The following SOX6 variants were observed in gnomAD, a reference collection of about 807,000 sequenced individuals.
The protein encoded by SOX6 is SRY-box transcription factor 6.
Under a neutral mutation model 97.8 loss-of-function variants are expected in SOX6, and 11 were observed. The ratio of observed to expected loss-of-function variants is 0.11; its 90% CI spans 0.07 to 0.19. The LOEUF is 0.19. Among genes scored for constraint, SOX6 ranks in the 10% least tolerant of loss-of-function variants. The probability of loss-of-function intolerance (pLI) is 1.00; values close to 1 mark genes in which losing one functional copy is unlikely to be tolerated. For missense variants in SOX6, 810 were observed against 1,039.5 expected, an observed-to-expected ratio of 0.78 and a Z score of 3.04; for synonymous variants, 360 against 371.4, an observed-to-expected ratio of 0.97 and a Z score of 0.35.
chr11:16,075,221 T>G (rs1217100811), intron 9 of SOX6, among the ~76,000 whole-genome samples: 1 of 152,136 alleles, frequency 6.6e-6, no homozygotes. Context: ...TACCCAAGAC[T>G]GGGTAATTTA....
At chr11:16,163,771 T>C (rs751756321) in intron 6 of SOX6, among the ~76,000 whole-genome samples, 8 of 152,236 alleles carry the variant, frequency 5.3e-5, no homozygotes, top group Non-Finnish European at 8.8e-5. Flanking sequence ...CCAAGCAAGA[T>C]AGCAACCTGC....
rs184326261 is a variant in SOX6 at position 16,483,547 on chromosome 11, G to A, written n.610-7159C>T. ...GCAAAAAGAAGGGCAAAGCAAACTG[G>A]AAGAGACCTCTATTCTACTGACAGG... On this transcript the variant is annotated intron_variant and non_coding_transcript_variant, in intron 4 of 5. Coordinates refer to the SOX6 transcript ENST00000524520. Among the ~76,000 whole-genome samples the A allele has an allele frequency of 1.7e-3, 256 of 152,212 alleles. 4 individuals carry two copies. The highest frequency in any genetic ancestry group is 0.014 in the Admixed American group (214 of 15,292).
intron 4 of SOX6, among the ~76,000 whole-genome samples, chr11:16,587,739 T>C (rs1848110849): frequency 6.6e-6 from 1 of 152,216 alleles, no homozygotes; most frequent in African/African-American, 2.4e-5. Flanking sequence ...ATTCTCCTTC[T>C]CTTGAGTGCT....
chr11:16,590,712 T>C (rs1215728678), intron 4 of SOX6, among the ~76,000 whole-genome samples: 2 of 151,886 alleles, frequency 1.3e-5, no homozygotes, highest in Non-Finnish European at 2.9e-5. Context: ...ACAAACTTCA[T>C]ATGTTATCAC....
Position 16,613,762 on chromosome 11 carries a change from G to A in SOX6, n.430-1502C>T, listed in dbSNP as rs566427812. Among the ~76,000 whole-genome samples, 45 of 152,362 alleles carry A rather than the reference G, an allele frequency of 3.0e-4. No homozygotes were observed. The highest frequency in any genetic ancestry group is 5.7e-4 in the Non-Finnish European group (39 of 68,040). ...ATCGGGGAAACTAGACTGTTCCGTG[G>A]ATGAACTGCGAGGATGCCGGCGGTC... On this transcript the variant is annotated intron_variant and non_coding_transcript_variant, in intron 3 of 5. Transcript: ENST00000524520. The surrounding 1 kb of genome is among the most constrained non-coding windows in gnomAD (Gnocchi z 4.6).
At chr11:16,169,262 T>C (rs562576181) in intron 6 of SOX6, among the ~76,000 whole-genome samples, 1 of 152,192 alleles carries the variant, frequency 6.6e-6, no homozygotes, top group South Asian at 2.1e-4. Flanking sequence ...CCATACAAAA[T>C]AGATGAATCA....
chr11:16,198,665 A>C (rs1307302827), intron 4 of SOX6, among the ~76,000 whole-genome samples: 1 of 152,194 alleles, frequency 6.6e-6, no homozygotes, highest in Non-Finnish European at 1.5e-5. Flanking sequence ...CAAACATCTG[A>C]AAAGGCGATG....
At chr11:16,512,673 AT>A (rs1175417355) in intron 4 of SOX6, among the ~76,000 whole-genome samples, 2 of 152,202 alleles carry the variant, frequency 1.3e-5, no homozygotes, top group Non-Finnish European at 2.9e-5. Flanking sequence ...ACTGTTAGGT[AT>A]TTCTTTTGGA....
chr11:16,090,986 T>C (rs1848673223), intron 9 of SOX6, among the ~76,000 whole-genome samples: 1 of 152,080 alleles, frequency 6.6e-6, no homozygotes, highest in Non-Finnish European at 1.5e-5. Context: ...ATTATGCTCA[T>C]TTTACAATGA....
At chr11:16,095,896 G>T in intron 9 of SOX6, 100 bp downstream of exon 9, 2 of 1,300,050 alleles carry the variant, frequency 1.5e-6, no homozygotes, top group Non-Finnish European at 2.2e-6. Flanking sequence ...CAGTGTTTAG[G>T]TTGAGTGTTT....
At position 16,186,971 on chromosome 11, in the gene SOX6, GAA is replaced by G; in HGVS notation, c.536-18_536-17del. On this transcript the variant is annotated splice_polypyrimidine_tract_variant and intron_variant, in intron 4 of 15. Transcript: ENST00000683767. ...TCAGGTGTACCTAAAATGGAAGCAA[GAA>G]GAGATCTCACAAGCTTGAGAAATAC... The G allele has an allele frequency of 3.1e-6, 5 of 1,613,606 alleles. No individual in the cohort carries two copies. Among genetic ancestry groups the G allele is most frequent in the Non-Finnish European group, 4.2e-6 (5 of 1,179,714 alleles).
chr11:16,722,536 A>G (rs1191508488), intron 2 of SOX6, among the ~76,000 whole-genome samples: 1 of 152,174 alleles, frequency 6.6e-6, no homozygotes, highest in Non-Finnish European at 1.5e-5. Context: ...CTTTAATCCC[A>G]GCCACTTGGG....
intron 3 of SOX6, among the ~76,000 whole-genome samples, chr11:16,637,694 G>A (rs1045561575): frequency 6.6e-6 from 1 of 152,168 alleles, no homozygotes; most frequent in Non-Finnish European, 1.5e-5. Context: ...ATCTAAGAAT[G>A]AGGGTGGGTA....
At chr11:16,508,893 C>T (rs531932408) in intron 4 of SOX6, among the ~76,000 whole-genome samples, 125 of 151,932 alleles carry the variant, frequency 8.2e-4, no homozygotes, top group African/African-American at 2.8e-3. Context: ...CTAAATACCC[C>T]GACATGATCA....
intron 4 of SOX6, among the ~76,000 whole-genome samples, chr11:16,210,514 G>T (rs542459183): frequency 2.6e-5 from 4 of 152,250 alleles, no homozygotes; most frequent in African/African-American, 9.6e-5. Flanking sequence ...ACTGCTAAAA[G>T]GTAAGAAATT....
intron 6 of SOX6, among the ~76,000 whole-genome samples, chr11:16,152,763 CTTTT>C (rs5789940): frequency 6.7e-6 from 1 of 148,244 alleles, no homozygotes; most frequent in African/African-American, 2.5e-5. Flanking sequence ...ATTAGAATTA[CTTTT>C]TTTTTTTTTT....
At chr11:16,556,759 C>T (rs1260458795) in intron 4 of SOX6, among the ~76,000 whole-genome samples, 1 of 151,588 alleles carries the variant, frequency 6.6e-6, no homozygotes, top group African/African-American at 2.4e-5. Context: ...TGTTCTATTG[C>T]TTTTGCATAT....
intron 1 of SOX6, among the ~76,000 whole-genome samples, chr11:16,448,460 T>TA (rs1268677568): frequency 2.6e-5 from 4 of 152,074 alleles, no homozygotes; most frequent in African/African-American, 4.8e-5. Flanking sequence ...CCCTTGGCAA[T>TA]AAAAAAAGTG....
At chr11:16,319,197 A>T (rs756465841) in intron 2 of SOX6, among the ~76,000 whole-genome samples, 12 of 152,264 alleles carry the variant, frequency 7.9e-5, no homozygotes, top group Non-Finnish European at 1.8e-4. Context: ...AGTGCCAGAA[A>T]GTTAGCCAAC....
Sources: gnomAD v4.1 joint callset for allele counts (sites outside exome capture counted in the v4.1 genomes callset) on GRCh38, gnomAD v4.1.1 for gene constraint, Gnocchi (gnomAD v3.1) non-coding constraint, MANE v1.5 for transcripts, NCBI Gene and HGNC (gene_info 2026-07-23, HGNC 2026-07-21) for gene names.